The following ESRP1 variants were observed in gnomAD, a reference collection of about 807,000 sequenced individuals.
ESRP1 encodes epithelial splicing regulatory protein 1.
Under a neutral mutation model 81.7 loss-of-function variants are expected in ESRP1, and 33 were observed. The ratio of observed to expected loss-of-function variants is 0.40; its 90% CI spans 0.31 to 0.54. The LOEUF (loss-of-function observed/expected upper bound fraction) is 0.54, where lower values mean the gene tolerates loss of function less well. ESRP1 is among the 20% of genes least tolerant of loss of function. The pLI, the probability that ESRP1 is intolerant of heterozygous loss-of-function variation, is 0.41. For synonymous variants in ESRP1, 320 were observed against 303.3 expected, an observed-to-expected ratio of 1.06 and a Z score of -0.57; for missense variants, 672 against 833.1, an observed-to-expected ratio of 0.81 and a Z score of 2.38.
Position 94,674,470 on chromosome 8 carries a change from C to A in ESRP1, c.1615C>A (p.Arg539=). Reference sequence around the variant, plus strand: ...TGTGTTAATGGGGGGCACTTTAAATCGAAATGGCTTATCCCCACCGCCATG... The same window carrying A: ...TGTGTTAATGGGGGGCACTTTAAATAGAAATGGCTTATCCCCACCGCCATG... ...NFVLMGGTLN[R]NGLSPPPCKL... The change falls in exon 12 of 16, where the codon CGA becomes AGA. Residue 539 remains arginine (R), a synonymous_variant. Transcript: ENST00000433389. The A allele has an allele frequency of 6.2e-7, 1 of 1,613,814 alleles. No individual in the cohort carries two copies. Among genetic ancestry groups the A allele is most frequent in the Non-Finnish European group, 8.5e-7 (1 of 1,179,842 alleles).
At chr8:94,702,451 A>G (rs6989100) in intron 15 of ESRP1, among the ~76,000 whole-genome samples, 37 of 152,366 alleles carry the variant, frequency 2.4e-4, no homozygotes, top group South Asian at 1.7e-3. Flanking sequence ...ATGAAAAAAT[A>G]TAAAAACTGT....
chr8:94,649,167 A>C (rs1239191263), intron 4 of ESRP1, among the ~76,000 whole-genome samples: 1 of 152,242 alleles, frequency 6.6e-6, no homozygotes, highest in Non-Finnish European at 1.5e-5. Flanking sequence ...AGCCGAGATC[A>C]TACCATTATA....
rs1462548548 is a variant in ESRP1 at position 94,671,597 on chromosome 8, G to A, written c.1378G>A (p.Asp460Asn). The A allele has an allele frequency of 1.9e-6, 3 of 1,613,768 alleles. No homozygotes were observed. In the African/African-American group the frequency reaches 4.0e-5, roughly 22 times the overall value. The change falls in exon 11 of 16, where the codon GAC (aspartate) becomes AAC (asparagine). Residue 460 changes from aspartate (D) to asparagine (N), a missense_variant. Coordinates refer to ENST00000433389, the MANE Select transcript of ESRP1 (RefSeq NM_017697.4). ...RGLPYAATIE[D>N]ILDFLGEFAT... is the part of the protein sequence containing the mutation. Reference sequence around the variant, plus strand: ...TCTTCCCTATGCAGCCACAATTGAGGACATCCTGGATTTCCTGGGGGAGTT... The same window carrying A: ...TCTTCCCTATGCAGCCACAATTGAGAACATCCTGGATTTCCTGGGGGAGTT...
At chr8:94,684,685 T>G (rs929752567) in intron 13 of ESRP1, among the ~76,000 whole-genome samples, 1 of 152,190 alleles carries the variant, frequency 6.6e-6, no homozygotes, top group African/African-American at 2.4e-5. Flanking sequence ...GAGGGGAGAC[T>G]GTAATTCTCT....
intron 14 of ESRP1, among the ~76,000 whole-genome samples, chr8:94,695,411 G>A (rs1809564989): frequency 8.1e-6 from 1 of 123,072 alleles, no homozygotes; most frequent in Admixed American, 1.1e-4. Context: ...CTGGAGTGCA[G>A]TGGCGCAATC....
At chr8:94,673,514 A>G (rs1288206485) in intron 11 of ESRP1, among the ~76,000 whole-genome samples, 1 of 152,216 alleles carries the variant, frequency 6.6e-6, no homozygotes, top group Non-Finnish European at 1.5e-5. Flanking sequence ...TAGTCCTGTA[A>G]GCTGATCATG....
At chr8:94,645,015 TACTC>T (rs770614784) in intron 3 of ESRP1, among the ~76,000 whole-genome samples, 1 of 152,184 alleles carries the variant, frequency 6.6e-6, no homozygotes. Context: ...CTAAATAAAA[TACTC>T]AGTATTTTAA....
At chr8:94,705,812 CT>C in intron 15 of ESRP1, 112 bp from the exon 16 acceptor site, 28 of 967,630 alleles carry the variant, frequency 2.9e-5, no homozygotes, top group Admixed American at 5.7e-5. Context: ...CATCTTAAGG[CT>C]TTTTTTCCAC....
intron 3 of ESRP1, among the ~76,000 whole-genome samples, chr8:94,645,528 A>G (rs1256764880): frequency 6.6e-6 from 1 of 152,090 alleles, no homozygotes; most frequent in African/African-American, 2.4e-5. Context: ...AACAGCAGGT[A>G]ACCATTTCTC....
chr8:94,691,686 CT>C (rs1024559173), intron 13 of ESRP1, among the ~76,000 whole-genome samples: 3 of 152,098 alleles, frequency 2.0e-5, no homozygotes, highest in African/African-American at 7.2e-5. Flanking sequence ...ATCTCAAAGA[CT>C]TTTAGTCCCT....
chr8:94,700,774 A>G (rs1332399303), intron 15 of ESRP1, among the ~76,000 whole-genome samples: 1 of 151,930 alleles, frequency 6.6e-6, no homozygotes, highest in African/African-American at 2.4e-5. Flanking sequence ...CTAAAAATAC[A>G]AAAAATCAGC....
intron 4 of ESRP1, among the ~76,000 whole-genome samples, chr8:94,647,220 T>C (rs1455461201): frequency 6.6e-6 from 1 of 152,240 alleles, no homozygotes; most frequent in East Asian, 1.9e-4. Context: ...TGCCTTCTTC[T>C]TGGAGTCAGT....
chr8:94,659,020 C>T (rs771000908), intron 4 of ESRP1, among the ~76,000 whole-genome samples: 3 of 152,120 alleles, frequency 2.0e-5, no homozygotes, highest in Non-Finnish European at 4.4e-5. Flanking sequence ...AATCCTCCCA[C>T]CTCAGCCTCC....
chr8:94,688,988 C>A (rs143881435), intron 13 of ESRP1, among the ~76,000 whole-genome samples: 6 of 152,126 alleles, frequency 3.9e-5, no homozygotes, highest in Non-Finnish European at 5.9e-5. Flanking sequence ...TGGTGGCTCA[C>A]GCCTGTAATC....
rs944241697 is a variant in ESRP1 at position 94,692,695 on chromosome 8, T to C, written c.1839T>C (p.Asn613=). The C allele has an allele frequency of 1.2e-6, 2 of 1,613,794 alleles. No homozygotes were observed. The highest frequency in any genetic ancestry group is 1.3e-5 in the African/African-American group (1 of 74,940). Residue 613 remains asparagine (N), a synonymous_variant, in exon 14 of 16, where the codon AAT becomes AAC. Coordinates refer to ENST00000433389, the MANE Select transcript of ESRP1 (RefSeq NM_017697.4). ...AYYPSPPGSP[N]SLGYFPTAAN... is the part of the protein sequence containing the mutation. The stretch of plus-strand genomic sequence containing the variant: ...CCTTTAGCCCCCCAGGTTCGCCTAA[T>C]AGTCTTGGCTACTTCCCTACAGCTG...
chr8:94,681,026 G>T (rs1486628257), intron 13 of ESRP1, among the ~76,000 whole-genome samples: 4 of 151,464 alleles, frequency 2.6e-5, no homozygotes, highest in Non-Finnish European at 5.9e-5. Context: ...CTCAAAGTGA[G>T]ACTCTATCTC....
At chr8:94,675,603 A>C (rs1484067560) in intron 12 of ESRP1, among the ~76,000 whole-genome samples, 3 of 152,164 alleles carry the variant, frequency 2.0e-5, no homozygotes, top group Non-Finnish European at 4.4e-5. Flanking sequence ...TCTTACAGTA[A>C]TCTCAGTTGT....
chr8:94,664,685 C>T lies in ESRP1; in HGVS notation c.645-12C>T. On this transcript the variant is annotated splice_polypyrimidine_tract_variant and intron_variant, in intron 6 of 15. Transcript: ENST00000433389. ...ATTTATCATGCAACCTGAAGTTTTG[C>T]TTCATCCACAGCAGCAAGATGGAAC... The T allele has an allele frequency of 6.2e-7, 1 of 1,607,624 alleles. No individual in the cohort carries two copies. The highest frequency in any genetic ancestry group is 8.5e-7 in the Non-Finnish European group (1 of 1,174,410).
chr8:94,653,615 A>G (rs1324786873), intron 4 of ESRP1, among the ~76,000 whole-genome samples: 1 of 152,180 alleles, frequency 6.6e-6, no homozygotes, highest in African/African-American at 2.4e-5. Context: ...TTTTAACCTT[A>G]TGTGAGACTA....
Sources: allele counts gnomAD v4.1 joint callset (sites outside exome capture counted in the v4.1 genomes callset), GRCh38; gene constraint gnomAD v4.1.1; transcripts MANE v1.5; gene names NCBI Gene and HGNC (gene_info 2026-07-23, HGNC 2026-07-21).